Variants in COL9A1 observed in about 807,000 individuals in gnomAD.
COL9A1 encodes the protein collagen type IX alpha 1 chain.
COL9A1 carries 104 observed loss-of-function variants against 142.6 expected under a neutral mutation model. The ratio of observed to expected loss-of-function variants is 0.73; its 90% CI spans 0.62 to 0.86. COL9A1 has a LOEUF of 0.86. Ranked by LOEUF, COL9A1 falls within the 40% of genes least tolerant of loss-of-function variation. The pLI, the probability that COL9A1 is intolerant of heterozygous loss-of-function variation, is 0.00. For missense variants in COL9A1, 1,210 were observed against 1,176.6 expected, an observed-to-expected ratio of 1.03 and a Z score of -0.42; for synonymous variants, 466 against 396.0, an observed-to-expected ratio of 1.18 and a Z score of -2.10.
At chr6:70,234,614 AG>A in intron 34 of COL9A1, 21 bp from the exon 35 acceptor site, 1 of 1,614,162 alleles carries the variant, frequency 6.2e-7, no homozygotes. Flanking sequence ...AAAGAAAAAA[AG>A]GCAGTTTATG....
chr6:70,238,647 T>C (rs17692261), intron 33 of COL9A1, among the ~76,000 whole-genome samples: 7,281 of 152,242 alleles, frequency 0.048, 245 homozygotes, highest in Non-Finnish European at 0.075. Flanking sequence ...AATGACCCAT[T>C]TGGAGAGGAC....
chr6:70,268,112 A>C (rs1020435727), intron 17 of COL9A1, among the ~76,000 whole-genome samples: 3 of 152,152 alleles, frequency 2.0e-5, no homozygotes, highest in African/African-American at 7.2e-5. Context: ...TTTCCTGACT[A>C]TTTTGCACAG....
At chr6:70,240,776 C>A in intron 31 of COL9A1, 43 bp from the exon 32 acceptor site, 1 of 1,474,850 alleles carries the variant, frequency 6.8e-7, no homozygotes, top group South Asian at 1.1e-5. Context: ...ATTCTTAGTC[C>A]CATTGCCCAA....
At chr6:70,242,967 T>A (rs1770361062) in intron 28 of COL9A1, among the ~76,000 whole-genome samples, 1 of 152,374 alleles carries the variant, frequency 6.6e-6, no homozygotes, top group Admixed American at 6.5e-5. Flanking sequence ...TTTCAACATC[T>A]AAATCACATC....
At position 70,270,337 on chromosome 6, in the gene COL9A1, G is replaced by C; in HGVS notation, c.1174C>G (p.Pro392Ala). 6.2e-7 allele frequency: 1 copy of C among 1,613,768 alleles called. No individual in the cohort carries two copies. The highest frequency in any genetic ancestry group is 1.3e-5 in the African/African-American group (1 of 74,984). ...GDPGRRGPPG[P>A]PGPPGPRGTI... is the part of the protein sequence containing the mutation. ...ACTCTGGGTCCTGGGGGGCCAGGGG[G>C]GCCAGGTGGTCCTCTTCTCCCAGGG... The change falls in exon 15 of 38, where the codon CCC becomes GCC. Residue 392 changes from proline to alanine, a missense_variant. Physicochemically the swap from Pro to Ala is conservative, Grantham distance 27. Coordinates refer to ENST00000357250, the MANE Select transcript of COL9A1 (RefSeq NM_001851.6).
intron 16 of COL9A1, 60 bp downstream of exon 16, chr6:70,269,573 T>C (rs1772258645): frequency 1.8e-6 from 2 of 1,131,628 alleles, no homozygotes; most frequent in Non-Finnish European, 1.3e-6. Flanking sequence ...AGAAAACTCA[T>C]CTGCAGGCTA....
intron 7 of COL9A1, among the ~76,000 whole-genome samples, chr6:70,281,979 G>C (rs1375407197): frequency 6.6e-6 from 1 of 152,108 alleles, no homozygotes; most frequent in Non-Finnish European, 1.5e-5. Flanking sequence ...GGGCAGCCTT[G>C]AGACCAGTGC....
Position 70,281,382 on chromosome 6 carries a change from A to G in COL9A1, c.876+8T>C, listed in dbSNP as rs1773153437. The G allele has an allele frequency of 6.2e-7, 1 of 1,613,152 alleles. No individual in the cohort carries two copies. Among genetic ancestry groups the G allele is most frequent in the East Asian group, 2.2e-5 (1 of 44,824 alleles). ...GGGAACAGAGGTGGCCTGGAGATAGAAACTTACGTCGATGCCATCGATGCC... is the reference window on the plus strand; with the variant it reads ...GGGAACAGAGGTGGCCTGGAGATAGGAACTTACGTCGATGCCATCGATGCC... On this transcript the variant is annotated splice_region_variant and intron_variant, in intron 8 of 37. Transcript: ENST00000357250.
At chr6:70,284,962 A>G (rs958417115) in intron 5 of COL9A1, among the ~76,000 whole-genome samples, 12 of 152,348 alleles carry the variant, frequency 7.9e-5, no homozygotes, top group African/African-American at 2.6e-4. Context: ...ACTGGACAGA[A>G]GATCAAAATT....
At chr6:70,229,000 G>A (rs1424844991) in intron 36 of COL9A1, among the ~76,000 whole-genome samples, 1 of 152,144 alleles carries the variant, frequency 6.6e-6, no homozygotes, top group Admixed American at 6.5e-5. Context: ...GATATGAGAT[G>A]AAGATTATAA....
intron 33 of COL9A1, among the ~76,000 whole-genome samples, chr6:70,236,030 A>G (rs966844133): frequency 4.1e-5 from 6 of 147,450 alleles, no homozygotes; most frequent in Non-Finnish European, 7.4e-5. Flanking sequence ...GGAGAAAGCC[A>G]TGAACCCAGG....
chr6:70,247,048 G>A (rs1258678646), intron 28 of COL9A1, among the ~76,000 whole-genome samples: 1 of 152,146 alleles, frequency 6.6e-6, no homozygotes, highest in Non-Finnish European at 1.5e-5. Context: ...TTGATCTGAG[G>A]TAATTACTAA....
intron 36 of COL9A1, among the ~76,000 whole-genome samples, chr6:70,229,518 A>T (rs533825808): frequency 6.6e-6 from 1 of 152,252 alleles, no homozygotes; most frequent in East Asian, 1.9e-4. Context: ...ATCTCCATGT[A>T]AACAGATTAT....
intron 4 of COL9A1, among the ~76,000 whole-genome samples, chr6:70,299,042 A>G (rs9354912): frequency 0.17 from 25,718 of 152,106 alleles, 2,803 homozygotes; most frequent in East Asian, 0.45. Context: ...ATGACCCTAT[A>G]TCACAGGGTT....
chr6:70,235,752 A>G (rs1769865305), intron 33 of COL9A1, among the ~76,000 whole-genome samples: 3 of 152,088 alleles, frequency 2.0e-5, no homozygotes, highest in Non-Finnish European at 4.4e-5. Flanking sequence ...TGAAGATGCC[A>G]GGTATATCCA....
chr6:70,252,087 G>A (rs1485108879), intron 28 of COL9A1, 33 bp downstream of exon 28: 1 of 1,607,544 alleles, frequency 6.2e-7, no homozygotes, highest in African/African-American at 1.3e-5. Flanking sequence ...TCCTGAGAAG[G>A]TGCTTTAGGA....
chr6:70,232,120 AGCT>A (rs1325130070), intron 36 of COL9A1, among the ~76,000 whole-genome samples: 1 of 152,252 alleles, frequency 6.6e-6, no homozygotes, highest in Non-Finnish European at 1.5e-5. Flanking sequence ...AGAGGGAGGC[AGCT>A]CTAATGCATA....
chr6:70,302,810 C>T, intron 1 of COL9A1, 101 bp downstream of exon 1: 2 of 1,269,036 alleles, frequency 1.6e-6, no homozygotes, highest in South Asian at 2.4e-5. Flanking sequence ...CCTTGAGGCT[C>T]ACCTACTCTC....
chr6:70,278,649 C>T (rs1033893326), intron 10 of COL9A1, among the ~76,000 whole-genome samples: 1 of 152,058 alleles, frequency 6.6e-6, no homozygotes, highest in African/African-American at 2.4e-5. Context: ...ATCATTTTTT[C>T]CTTGAGGTCA....
Sources: gnomAD v4.1 joint callset for allele counts (sites outside exome capture counted in the v4.1 genomes callset) on GRCh38, gnomAD v4.1.1 for gene constraint, MANE v1.5 for transcripts, NCBI Gene and HGNC (gene_info 2026-07-23, HGNC 2026-07-21) for gene names.